ADAMTS2: variants seen among roughly 807,000 people sequenced by gnomAD.
The protein encoded by ADAMTS2 is ADAM metallopeptidase with thrombospondin type 1 motif 2.
ADAMTS2 carries 50 observed loss-of-function variants against 123.0 expected under a neutral mutation model. The ratio of observed to expected loss-of-function variants is 0.41; its 90% CI spans 0.32 to 0.51. The LOEUF is 0.51. Ranked by LOEUF, ADAMTS2 falls within the 20% of genes least tolerant of loss-of-function variation. The pLI, the probability that ADAMTS2 is intolerant of heterozygous loss-of-function variation, is 0.35. For synonymous variants in ADAMTS2, 678 were observed against 695.4 expected, an observed-to-expected ratio of 0.98 and a Z score of 0.39; for missense variants, 1,494 against 1,705.2, an observed-to-expected ratio of 0.88 and a Z score of 2.18.
intron 4 of ADAMTS2, among the ~76,000 whole-genome samples, chr5:179,193,518 C>A (rs1764352892): frequency 6.6e-6 from 1 of 152,188 alleles, no homozygotes; most frequent in Non-Finnish European, 1.5e-5. Flanking sequence ...CCTGGCCATT[C>A]AGACGTCAGC....
intron 2 of ADAMTS2, among the ~76,000 whole-genome samples, chr5:179,322,660 A>G (rs459106): frequency 0.64 from 97,783 of 152,120 alleles, 31,721 homozygotes; most frequent in Non-Finnish European, 0.68. Flanking sequence ...ACCAGGACTG[A>G]AGGCCCCTCT....
chr5:179,269,157 G>T (rs1000382583), intron 3 of ADAMTS2, among the ~76,000 whole-genome samples: 9 of 152,180 alleles, frequency 5.9e-5, no homozygotes, highest in African/African-American at 2.2e-4. Context: ...GCCAAGGGAG[G>T]CTGGCAGCCC....
At chr5:179,319,388 C>T (rs544786613) in intron 2 of ADAMTS2, among the ~76,000 whole-genome samples, 1 of 152,262 alleles carries the variant, frequency 6.6e-6, no homozygotes, top group South Asian at 2.1e-4. Flanking sequence ...ATCATATGTA[C>T]AGGCATGCAG....
Position 179,132,997 on chromosome 5 carries a change from G to A in ADAMTS2, c.2086-97C>T, listed in dbSNP as rs548512951. 2.8e-5 allele frequency: 42 copies of A among 1,505,612 alleles called. No homozygotes were observed. In the South Asian group the frequency reaches 4.3e-4, roughly 15 times the overall value. The allele number at this position is 1,505,612 out of a possible 1,614,324, so 93.3% of individuals were successfully genotyped here. On this transcript the variant is annotated intron_variant, in intron 13 of 21. Transcript: ENST00000251582. This position sits in a 1 kb window ranked among gnomAD's most constrained non-coding sequence, Gnocchi z 6.1. The stretch of plus-strand genomic sequence containing the variant: ...CAGTCTCGAACACCTGGCCTCAAGC[G>A]ATCCTCCTGCCTTGGCCTCCCAAAG...
At chr5:179,177,291 T>G (rs2113303870) in intron 5 of ADAMTS2, among the ~76,000 whole-genome samples, 1 of 152,352 alleles carries the variant, frequency 6.6e-6, no homozygotes, top group East Asian at 1.9e-4. Flanking sequence ...AAGTTTCTCT[T>G]TATACATTAT....
intron 10 of ADAMTS2, among the ~76,000 whole-genome samples, chr5:179,148,027 A>G (rs1421572911): frequency 1.3e-5 from 2 of 152,176 alleles, no homozygotes; most frequent in Non-Finnish European, 2.9e-5. Flanking sequence ...GCTTCATGGT[A>G]AATCGACTTC....
At chr5:179,157,499 A>G (rs1483538746) in intron 6 of ADAMTS2, among the ~76,000 whole-genome samples, 1 of 149,732 alleles carries the variant, frequency 6.7e-6, no homozygotes, top group Non-Finnish European at 1.5e-5. Flanking sequence ...TTGATATTTC[A>G]TTGTGTTTTT....
chr5:179,326,201 C>CGCGT (rs1757314937), intron 2 of ADAMTS2, among the ~76,000 whole-genome samples: 2 of 148,594 alleles, frequency 1.3e-5, no homozygotes, highest in African/African-American at 5.0e-5. Flanking sequence ...TTTGTGTGTG[C>CGCGT]GTGTGTGTGT....
chr5:179,275,198 G>A (rs371235704), intron 2 of ADAMTS2, among the ~76,000 whole-genome samples: 96 of 152,242 alleles, frequency 6.3e-4, no homozygotes, highest in African/African-American at 1.4e-3. Flanking sequence ...AATGGGCTGC[G>A]GAACAAAAAT....
At chr5:179,331,164 G>A (rs997713523) in intron 2 of ADAMTS2, among the ~76,000 whole-genome samples, 3 of 150,652 alleles carry the variant, frequency 2.0e-5, no homozygotes, top group Non-Finnish European at 4.4e-5. Context: ...AGCTGACGAC[G>A]AAGGGCCCCC....
Position 179,113,545 on chromosome 5 carries a change from C to A in ADAMTS2, c.*322G>T. On this transcript the variant is annotated 3_prime_UTR_variant, in exon 22 of 22. Coordinates refer to ENST00000251582, the MANE Select transcript of ADAMTS2 (RefSeq NM_014244.5). ...AAGGTTCCCAATCACTGCTTAGCAACTTGGGGCCTATTTTTGTTCTCTCAG... is the reference window on the plus strand; with the variant it reads ...AAGGTTCCCAATCACTGCTTAGCAAATTGGGGCCTATTTTTGTTCTCTCAG... The A allele has an allele frequency of 2.6e-6, 1 of 383,288 alleles. No individual in the cohort carries two copies. The highest frequency in any genetic ancestry group is 4.8e-6 in the Non-Finnish European group (1 of 206,410). 23.7% of individuals were successfully genotyped at this position (383,288 alleles called of 1,614,324 possible). A position where few individuals can be genotyped will look rare whatever the true frequency, so the allele number is the denominator to read the frequency against.
intron 5 of ADAMTS2, among the ~76,000 whole-genome samples, chr5:179,160,313 G>A (rs1055855655): frequency 6.6e-6 from 1 of 152,128 alleles, no homozygotes; most frequent in Non-Finnish European, 1.5e-5. Context: ...GCAAAACTTA[G>A]TCTGGCTTGG....
intron 10 of ADAMTS2, 138 bp from the exon 11 acceptor site, chr5:179,140,173 C>T: frequency 7.7e-7 from 1 of 1,301,440 alleles, no homozygotes; most frequent in South Asian, 1.2e-5. Flanking sequence ...CTCCTCGCCC[C>T]TAGATGCTCA....
At chr5:179,184,254 TG>T (rs1211974137) in intron 4 of ADAMTS2, among the ~76,000 whole-genome samples, 12 of 152,228 alleles carry the variant, frequency 7.9e-5, no homozygotes, top group Non-Finnish European at 1.3e-4. Flanking sequence ...GGCTCACGCC[TG>T]CAATCCCAGC....
chr5:179,200,073 G>A (rs1233603643), intron 4 of ADAMTS2, among the ~76,000 whole-genome samples: 2 of 152,116 alleles, frequency 1.3e-5, no homozygotes, highest in Admixed American at 1.3e-4. Flanking sequence ...CATTTTCATT[G>A]TGCGTTGGGG....
chr5:179,221,362 A>G lies in ADAMTS2; in HGVS notation c.689-13647T>C, dbSNP rs146989490. Reference sequence around the variant, plus strand: ...TGGTGGTGATTGCACCTGGTCCAGCAGCCAAGAGGGAGCTGAAAGTACCAG... The same window carrying G: ...TGGTGGTGATTGCACCTGGTCCAGCGGCCAAGAGGGAGCTGAAAGTACCAG... On this transcript the variant is annotated intron_variant, in intron 3 of 21. Coordinates refer to ENST00000251582, the MANE Select transcript of ADAMTS2 (RefSeq NM_014244.5). Among the ~76,000 whole-genome samples the G allele has an allele frequency of 9.8e-3, 1,489 of 152,254 alleles. 15 individuals are homozygous for G. The highest frequency in any genetic ancestry group is 0.018 in the Non-Finnish European group (1,209 of 67,990).
rs1217120896 is a variant in ADAMTS2 at position 179,129,630 on chromosome 5, A to C, written c.2457+302T>G. Among the ~76,000 whole-genome samples, 1 of 152,130 alleles carries C rather than the reference A, an allele frequency of 6.6e-6. No homozygotes were observed. The highest frequency in any genetic ancestry group is 1.5e-5 in the Non-Finnish European group (1 of 68,028). On this transcript the variant is annotated intron_variant, in intron 16 of 21. Transcript: ENST00000251582. This position sits in a 1 kb window ranked among gnomAD's most constrained non-coding sequence, Gnocchi z 4.1. Reference sequence around the variant, plus strand: ...GTGTCACCGATTCCAATGTAACAGCACACTCGAACGAGCATGCTGATGGCA... The same window carrying C: ...GTGTCACCGATTCCAATGTAACAGCCCACTCGAACGAGCATGCTGATGGCA...
chr5:179,217,459 T>G (rs1765008896), intron 3 of ADAMTS2, among the ~76,000 whole-genome samples: 1 of 152,242 alleles, frequency 6.6e-6, no homozygotes, highest in African/African-American at 2.4e-5. Context: ...TTTCTTTGTT[T>G]TAATGATGTT....
chr5:179,309,629 G>A (rs1214648785), intron 2 of ADAMTS2, among the ~76,000 whole-genome samples: 2 of 151,990 alleles, frequency 1.3e-5, no homozygotes, highest in African/African-American at 2.4e-5. Context: ...ATGGTGGCAC[G>A]CACCGGTAAC....
Sources: allele counts gnomAD v4.1 joint callset (sites outside exome capture counted in the v4.1 genomes callset), GRCh38; gene constraint gnomAD v4.1.1; non-coding constraint Gnocchi (gnomAD v3.1); transcripts MANE v1.5; gene names NCBI Gene and HGNC (gene_info 2026-07-23, HGNC 2026-07-21).